Variants in NTN4 observed in about 807,000 individuals in gnomAD.
The protein encoded by NTN4 is netrin-4.
NTN4 carries 32 observed loss-of-function variants against 73.6 expected under a neutral mutation model. The observed-to-expected ratio is 0.44, with a 90% CI of 0.33 to 0.58. The LOEUF is 0.58. Ranked by LOEUF, NTN4 falls within the 20% of genes least tolerant of loss-of-function variation. The pLI is 0.04. For missense variants in NTN4, 654 were observed against 798.3 expected (o/e 0.82, Z 2.18); for synonymous variants, 258 against 287.5 (o/e 0.90, Z 1.04).
At chr12:95,738,203 T>C in intron 2 of NTN4, 59 bp from the exon 3 acceptor site, 1 of 1,459,288 alleles carries the variant, frequency 6.9e-7, no homozygotes, top group Non-Finnish European at 9.4e-7. Flanking sequence ...CCTGAATTGT[T>C]TGCCTAATGT....
At chr12:95,660,216 T>C (rs1312946395) in intron 9 of NTN4, among the ~76,000 whole-genome samples, 1 of 152,134 alleles carries the variant, frequency 6.6e-6, no homozygotes, top group Non-Finnish European at 1.5e-5. Flanking sequence ...GGTTTTACCA[T>C]GTTGGCCAGG....
At chr12:95,682,050 C>T (rs2078319921) in intron 7 of NTN4, among the ~76,000 whole-genome samples, 2 of 84,164 alleles carry the variant, frequency 2.4e-5, no homozygotes, top group African/African-American at 4.7e-5. Flanking sequence ...CTAATATATT[C>T]AGTAGGCTTT....
At chr12:95,715,373 GA>G (rs2078597743) in intron 3 of NTN4, among the ~76,000 whole-genome samples, 1 of 151,818 alleles carries the variant, frequency 6.6e-6, no homozygotes, top group African/African-American at 2.4e-5. Flanking sequence ...TTGGCTCCTT[GA>G]AAAAAAGATG....
At chr12:95,687,228 A>G (rs908028520) in intron 5 of NTN4, among the ~76,000 whole-genome samples, 2 of 152,352 alleles carry the variant, frequency 1.3e-5, no homozygotes, top group Non-Finnish European at 2.9e-5. Flanking sequence ...AAAAATGCAA[A>G]CTGGAATAAA....
intron 2 of NTN4, among the ~76,000 whole-genome samples, chr12:95,754,702 C>T (rs2121228009): frequency 6.6e-6 from 1 of 152,262 alleles, no homozygotes; most frequent in South Asian, 2.1e-4. Flanking sequence ...CTACCCCTGC[C>T]CACCAGAGAA....
At chr12:95,783,529 T>C (rs548302286) in intron 2 of NTN4, among the ~76,000 whole-genome samples, 1 of 152,252 alleles carries the variant, frequency 6.6e-6, no homozygotes, top group South Asian at 2.1e-4. Context: ...GCAAATGGCT[T>C]TAAGAGAGTG....
At chr12:95,771,151 G>T (rs1012128232) in intron 2 of NTN4, among the ~76,000 whole-genome samples, 1 of 151,830 alleles carries the variant, frequency 6.6e-6, no homozygotes, top group Non-Finnish European at 1.5e-5. Flanking sequence ...TACCACGCCC[G>T]GCTAATTTTT....
At chr12:95,743,220 A>G (rs2078838760) in intron 2 of NTN4, among the ~76,000 whole-genome samples, 1 of 152,218 alleles carries the variant, frequency 6.6e-6, no homozygotes, top group Non-Finnish European at 1.5e-5. Flanking sequence ...TTAAGATACT[A>G]GACACATCCT....
intron 5 of NTN4, among the ~76,000 whole-genome samples, chr12:95,708,477 T>C (rs1363782006): frequency 6.6e-6 from 1 of 151,794 alleles, no homozygotes; most frequent in African/African-American, 2.4e-5. Context: ...TTAGTAGAGA[T>C]GGGGTTTCAC....
rs569140841 is a variant in NTN4 at position 95,781,441 on chromosome 12, G to A, written c.585+5498C>T. On this transcript the variant is annotated intron_variant, in intron 2 of 9. Coordinates refer to ENST00000343702, the MANE Select transcript of NTN4 (RefSeq NM_021229.4). This position sits in a 1 kb window ranked among gnomAD's most constrained non-coding sequence, Gnocchi z 4.1. ...CTATCAAACACAAATCCTTCAATCTGTTTTAAAAATAGCAAACCTGGGTGG... is the reference window on the plus strand; with the variant it reads ...CTATCAAACACAAATCCTTCAATCTATTTTAAAAATAGCAAACCTGGGTGG... 6.6e-6 allele frequency among the ~76,000 whole-genome samples: 1 copy of A among 152,244 alleles called. No homozygotes were observed. The highest frequency in any genetic ancestry group is 1.9e-4 in the East Asian group (1 of 5,184).
At position 95,664,276 on chromosome 12, in the gene NTN4, T is replaced by C. The variant is rs530181180; in HGVS notation, c.1750+1534A>G. On this transcript the variant is annotated intron_variant, in intron 9 of 9. Coordinates refer to ENST00000343702, the MANE Select transcript of NTN4 (RefSeq NM_021229.4). ...TCTCACTATGTTGTCCAAACTGGTC[T>C]TGAACTCCTGGGCTCAAGCTATCCT... Among the ~76,000 whole-genome samples the C allele has an allele frequency of 3.5e-4, 54 of 152,288 alleles. 1 individual carries two copies. The highest frequency in any genetic ancestry group is 4.7e-4 in the Non-Finnish European group (32 of 68,026).
chr12:95,774,757 A>G (rs1353403765), intron 2 of NTN4, among the ~76,000 whole-genome samples: 1 of 152,190 alleles, frequency 6.6e-6, no homozygotes, highest in Non-Finnish European at 1.5e-5. Flanking sequence ...CTTGAAAGGC[A>G]TATTATCTAC....
intron 5 of NTN4, among the ~76,000 whole-genome samples, chr12:95,688,095 T>C (rs1171195811): frequency 6.6e-6 from 1 of 152,110 alleles, no homozygotes; most frequent in Non-Finnish European, 1.5e-5. Flanking sequence ...TAAGAAGTTA[T>C]AAAGCAGAAT....
chr12:95,723,621 T>G (rs1196221079), intron 3 of NTN4, among the ~76,000 whole-genome samples: 1 of 151,954 alleles, frequency 6.6e-6, no homozygotes. Flanking sequence ...GTTCAAGCGA[T>G]TCTCCTGCCT....
At chr12:95,756,764 C>T (rs1392573947) in intron 2 of NTN4, among the ~76,000 whole-genome samples, 1 of 152,038 alleles carries the variant, frequency 6.6e-6, no homozygotes, top group Non-Finnish European at 1.5e-5. Flanking sequence ...CAACTTTATA[C>T]TCCAGCCATA....
At chr12:95,744,319 C>T (rs981781325) in intron 2 of NTN4, among the ~76,000 whole-genome samples, 6 of 152,180 alleles carry the variant, frequency 3.9e-5, no homozygotes, top group African/African-American at 9.6e-5. Flanking sequence ...TATAGCCACT[C>T]GAGCTTTCTT....
At chr12:95,769,860 G>A (rs1458863092) in intron 2 of NTN4, among the ~76,000 whole-genome samples, 2 of 149,750 alleles carry the variant, frequency 1.3e-5, no homozygotes, top group Non-Finnish European at 3.0e-5. Flanking sequence ...GGGTTCAAGC[G>A]ACTTTCCTGC....
rs200402415 is a variant in NTN4, at chr12:95,708,256, T to TTTTATTTA, written c.1180+2177_1180+2184dup. 1.7e-3 allele frequency among the ~76,000 whole-genome samples: 247 copies of TTTTATTTA among 142,410 alleles called. 1 individual carries two copies. Among genetic ancestry groups the TTTTATTTA allele is most frequent in the African/African-American group, 4.3e-3 (166 of 38,496 alleles). The allele number at this position is 142,410 out of a possible 152,430, so 93.4% of individuals were successfully genotyped here. On this transcript the variant is annotated intron_variant, in intron 5 of 9. Transcript: ENST00000343702. ...TTTCATTTTTATTTCTTTATTGTTA[T>TTTTATTTA]TTTATTTATTTATTTATTTATTTAT...
intron 3 of NTN4, among the ~76,000 whole-genome samples, chr12:95,714,723 C>G (rs971425116): frequency 6.6e-5 from 10 of 152,028 alleles, no homozygotes; most frequent in African/African-American, 2.4e-4. Flanking sequence ...TGGAGCTGGC[C>G]CTTGACACAT....
Sources: allele counts gnomAD v4.1 joint callset (sites outside exome capture counted in the v4.1 genomes callset), GRCh38; gene constraint gnomAD v4.1.1; non-coding constraint Gnocchi (gnomAD v3.1); transcripts MANE v1.5; gene names NCBI Gene and HGNC (gene_info 2026-07-23, HGNC 2026-07-21).